RAPGEF4: variants seen among roughly 807,000 people sequenced by gnomAD.
The protein encoded by RAPGEF4 is Rap guanine nucleotide exchange factor 4, also known as RAP guanine-nucleotide-exchange factor (GEF) 4.
RAPGEF4 carries 66 observed loss-of-function variants against 147.9 expected under a neutral mutation model. That is an observed-to-expected ratio of 0.45 (90% CI 0.37 to 0.55). The LOEUF (loss-of-function observed/expected upper bound fraction) is 0.55. Ranked by LOEUF, RAPGEF4 falls within the 20% of genes least tolerant of loss-of-function variation. The pLI is 0.00. For synonymous variants in RAPGEF4, 419 were observed against 442.7 expected, an observed-to-expected ratio of 0.95 and a Z score of 0.67; for missense variants, 1,071 against 1,257.3, an observed-to-expected ratio of 0.85 and a Z score of 2.24.
chr2:172,811,146 G>T (rs1687982294), intron 3 of RAPGEF4, among the ~76,000 whole-genome samples: 1 of 152,202 alleles, frequency 6.6e-6, no homozygotes, highest in African/African-American at 2.4e-5. Context: ...CATGGCAATG[G>T]TTGCCCCTTT....
intron 4 of RAPGEF4, among the ~76,000 whole-genome samples, chr2:172,884,207 C>T (rs936387484): frequency 5.3e-5 from 8 of 152,194 alleles, no homozygotes; most frequent in African/African-American, 1.9e-4. Context: ...GCTTCTCCTA[C>T]AGCAGTGTTT....
At position 172,857,174 on chromosome 2, in the gene RAPGEF4, G is replaced by GCACACACA. The variant is rs34315927; in HGVS notation, c.444+42770_444+42777dup. Among the ~76,000 whole-genome samples, 522 of 150,160 alleles carry GCACACACA rather than the reference G, an allele frequency of 3.5e-3. 2 individuals carry two copies. Among genetic ancestry groups the GCACACACA allele is most frequent in the African/African-American group, 0.011 (462 of 40,908 alleles). ...ATTTAAAATACGCGCGTGTGCGCGC[G>GCACACACA]CACACACACACACACACACACACAC... On this transcript the variant is annotated intron_variant, in intron 4 of 30. Transcript: ENST00000397081.
At position 172,852,056 on chromosome 2, in the gene RAPGEF4, A is replaced by T. The variant is rs186096584; in HGVS notation, c.444+37631A>T. On this transcript the variant is annotated intron_variant, in intron 4 of 30. Transcript: ENST00000397081. ...GATATTTTGCCATGAATATTTATAGATCACAACAAGTTATGTGCTCATTAA... is the reference window on the plus strand; with the variant it reads ...GATATTTTGCCATGAATATTTATAGTTCACAACAAGTTATGTGCTCATTAA... Among the ~76,000 whole-genome samples the T allele has an allele frequency of 2.0e-5, 3 of 152,362 alleles. No individual in the cohort carries two copies. The East Asian group carries it at 5.8e-4, about 29-fold the overall frequency.
intron 29 of RAPGEF4, 136 bp from the exon 30 acceptor site, chr2:173,048,464 C>T: frequency 6.9e-7 from 1 of 1,448,008 alleles, no homozygotes. Context: ...CAGCTAGTTG[C>T]CTTCAGATAG....
chr2:172,905,826 C>G (rs532511196), intron 4 of RAPGEF4, among the ~76,000 whole-genome samples: 1 of 152,196 alleles, frequency 6.6e-6, no homozygotes, highest in Admixed American at 6.5e-5. Context: ...GAAAGGGCTT[C>G]GAACTTATTT....
At position 172,761,128 on chromosome 2, in the gene RAPGEF4, CT is replaced by C. The variant is rs1378716534; in HGVS notation, c.65+25090del. On this transcript the variant is annotated intron_variant, in intron 1 of 30. Coordinates refer to ENST00000397081, the MANE Select transcript of RAPGEF4 (RefSeq NM_007023.4). Reference sequence around the variant, plus strand: ...CTTTTTTTTTTTTTAATTTTTTTTTCTTTTTTTTTTGTTTTAGACGGAGTTT... The same window carrying C: ...CTTTTTTTTTTTTTAATTTTTTTTTCTTTTTTTTTGTTTTAGACGGAGTTT... Among the ~76,000 whole-genome samples the C allele has an allele frequency of 2.2e-4, 27 of 121,208 alleles. 1 individual carries two copies. The highest frequency in any genetic ancestry group is 1.1e-3 in the South Asian group (4 of 3,714). 79.5% of individuals were successfully genotyped at this position (121,208 alleles called of 152,430 possible).
At position 172,967,433 on chromosome 2, in the gene RAPGEF4, C is replaced by A; in HGVS notation, c.993C>A (p.Ile331=). 1 of 1,611,118 alleles carries A rather than the reference C, an allele frequency of 6.2e-7. No homozygotes were observed. Among genetic ancestry groups the A allele is most frequent in the Non-Finnish European group, 8.5e-7 (1 of 1,179,356 alleles). The change falls in exon 10 of 31, where the codon ATC becomes ATA. Residue 331 remains isoleucine (I), a synonymous_variant. Coordinates refer to ENST00000397081, the MANE Select transcript of RAPGEF4 (RefSeq NM_007023.4). ...GCCCCGACGCCCACATGAGGATGAT[C>A]CTTCGCAAACCGTGAGTGAGAGCTC... ...QMGPDAHMRM[I]LRKPPGQRTV...
intron 17 of RAPGEF4, among the ~76,000 whole-genome samples, chr2:173,014,013 G>A (rs938268460): frequency 1.3e-5 from 2 of 152,030 alleles, no homozygotes; most frequent in Non-Finnish European, 2.9e-5. Context: ...TGCCCTGCTG[G>A]GCATTCAGTT....
chr2:172,833,745 C>T lies in RAPGEF4; in HGVS notation c.444+19320C>T, dbSNP rs186043683. On this transcript the variant is annotated intron_variant, in intron 4 of 30. Transcript: ENST00000397081. ...GTTCCAGATACATTTTGTGACTAGG[C>T]GCTTAGGACTGAAGAAGCATTTCCT... Among the ~76,000 whole-genome samples the T allele has an allele frequency of 8.5e-5, 13 of 152,236 alleles. No individual in the cohort carries two copies. In the East Asian group the frequency reaches 1.3e-3, roughly 16 times the overall value.
chr2:172,801,690 T>A (rs1173777455), intron 3 of RAPGEF4, among the ~76,000 whole-genome samples: 1 of 152,142 alleles, frequency 6.6e-6, no homozygotes, highest in Non-Finnish European at 1.5e-5. Flanking sequence ...TCTTTGTGAT[T>A]CTGGGGCTCA....
intron 1 of RAPGEF4, among the ~76,000 whole-genome samples, chr2:172,760,313 GA>G: frequency 6.6e-6 from 1 of 152,210 alleles, no homozygotes; most frequent in African/African-American, 2.4e-5. Flanking sequence ...CAGAGCATAT[GA>G]AAAAACAGAA....
intron 15 of RAPGEF4, among the ~76,000 whole-genome samples, chr2:172,995,248 TGTGTG>T (rs1294687477): frequency 3.6e-3 from 11 of 3,066 alleles, no homozygotes; most frequent in African/African-American, 3.8e-3. Flanking sequence ...TGCCTGTTTG[TGTGTG>T]TGTGTGTGTG....
intron 1 of RAPGEF4, among the ~76,000 whole-genome samples, chr2:172,776,184 C>A (rs1258305773): frequency 6.6e-6 from 1 of 152,104 alleles, no homozygotes; most frequent in Non-Finnish European, 1.5e-5. Flanking sequence ...AAAATTGAGT[C>A]CCACATCACT....
chr2:172,910,029 C>A (rs921007453), intron 4 of RAPGEF4, among the ~76,000 whole-genome samples: 1 of 152,174 alleles, frequency 6.6e-6, no homozygotes, highest in African/African-American at 2.4e-5. Context: ...AGGTGCCATG[C>A]GTGCTCTGTG....
chr2:173,016,061 A>G lies in RAPGEF4; in HGVS notation c.1810-288A>G, dbSNP rs1695482768. Among the ~76,000 whole-genome samples the G allele has an allele frequency of 2.0e-5, 3 of 152,124 alleles. No homozygotes were observed. The South Asian group carries it at 6.2e-4, about 32-fold the overall frequency. On this transcript the variant is annotated intron_variant, in intron 18 of 30. Coordinates refer to ENST00000397081, the MANE Select transcript of RAPGEF4 (RefSeq NM_007023.4). ...GTTGTAAAATAGATATCTAATATAA[A>G]TTTTCCCATTGTAACCATTTTTAGG... is the stretch of plus-strand genomic sequence containing the variant.
At chr2:172,967,014 CT>C in intron 9 of RAPGEF4, 1 of 373,388 alleles carries the variant, frequency 2.7e-6, no homozygotes, top group South Asian at 6.7e-5. Flanking sequence ...CTGGCAGGTC[CT>C]CAAAGGGAGT....
In RAPGEF4 at chr2:172,872,191, C is replaced by A. The variant is rs376492099; in HGVS notation, c.445-45611C>A. On this transcript the variant is annotated intron_variant, in intron 4 of 30. Transcript: ENST00000397081. The stretch of plus-strand genomic sequence containing the variant: ...ATTGTTTCCACTTTGTTGTTTCTAT[C>A]AAATGCATTTGTTAGTTGTTAATGG... 3.3e-3 allele frequency among the ~76,000 whole-genome samples: 498 copies of A among 152,258 alleles called. 3 individuals carry two copies. The highest frequency in any genetic ancestry group is 0.011 in the African/African-American group (465 of 41,554).
chr2:172,927,102 C>T (rs1418119198), intron 6 of RAPGEF4, among the ~76,000 whole-genome samples: 1 of 152,064 alleles, frequency 6.6e-6, no homozygotes, highest in Non-Finnish European at 1.5e-5. Flanking sequence ...AGGAGTTTCT[C>T]AAACTTTAAA....
At chr2:172,807,930 A>T (rs1401238519) in intron 3 of RAPGEF4, among the ~76,000 whole-genome samples, 1 of 152,244 alleles carries the variant, frequency 6.6e-6, no homozygotes, top group African/African-American at 2.4e-5. Flanking sequence ...TAATAAGATG[A>T]TCTGATAGCC....
Sources: gnomAD v4.1 joint callset for allele counts (sites outside exome capture counted in the v4.1 genomes callset) on GRCh38, gnomAD v4.1.1 for gene constraint, MANE v1.5 for transcripts, NCBI Gene and HGNC (gene_info 2026-07-23, HGNC 2026-07-21) for gene names.